PRICKLE2: variants seen among roughly 807,000 people sequenced by gnomAD.
PRICKLE2 encodes the protein prickle planar cell polarity protein 2.
A neutral mutation model predicts 81.4 loss-of-function variants in PRICKLE2; 21 were observed. The ratio of observed to expected loss-of-function variants is 0.26; its 90% CI spans 0.18 to 0.37. PRICKLE2 has a LOEUF of 0.37. PRICKLE2 is among the 10% of genes least tolerant of loss of function. The pLI is 1.00. For missense variants in PRICKLE2, 940 were observed against 1,109.0 expected (o/e 0.85, Z 2.16); for synonymous variants, 456 against 421.5 (o/e 1.08, Z -1.00).
chr3:64,218,904 G>A (rs2078910885), intron 1 of PRICKLE2, among the ~76,000 whole-genome samples: 4 of 152,118 alleles, frequency 2.6e-5, no homozygotes, highest in Admixed American at 2.6e-4. Context: ...TTAAACTTGA[G>A]AAGCCTTGGT....
intron 2 of PRICKLE2, among the ~76,000 whole-genome samples, chr3:64,181,151 A>G (rs1219377010): frequency 6.6e-6 from 1 of 152,216 alleles, no homozygotes; most frequent in African/African-American, 2.4e-5. Flanking sequence ...TATTAGTCTC[A>G]GGCCATTCAC....
In PRICKLE2 at chr3:64,225,409, A is replaced by T. The variant is rs2079017530; in HGVS notation, c.-540T>A. 1.0e-6 allele frequency: 1 copy of T among 985,270 alleles called. No individual in the cohort carries two copies. The highest frequency in any genetic ancestry group is 4.7e-5 in the South Asian group (1 of 21,278). The allele number at this position is 985,270 out of a possible 1,614,324, so 61.0% of individuals were successfully genotyped here. A position where few individuals can be genotyped will look rare whatever the true frequency, so the allele number is the denominator to read the frequency against. On this transcript the variant is annotated 5_prime_UTR_variant, in exon 1 of 8. Transcript: ENST00000638394. ...CCAGGAAATGTGCTGCTTGGTCAAA[A>T]AATAATAATAACTCTCGGTGGCGCT...
At chr3:64,209,793 A>C (rs1027267208) in intron 1 of PRICKLE2, among the ~76,000 whole-genome samples, 8 of 152,236 alleles carry the variant, frequency 5.3e-5, no homozygotes, top group Non-Finnish European at 1.0e-4. Context: ...CAAACAGATA[A>C]ACCTGCCATT....
intron 1 of PRICKLE2, among the ~76,000 whole-genome samples, chr3:64,207,141 CCTCCTGA>C (rs2078701627): frequency 6.6e-6 from 1 of 152,194 alleles, no homozygotes; most frequent in Non-Finnish European, 1.5e-5. Flanking sequence ...CTCAAGCAAT[CCTCCTGA>C]CTCAGCCTTC....
At chr3:64,224,118 T>C (rs2078997268) in intron 1 of PRICKLE2, among the ~76,000 whole-genome samples, 1 of 152,188 alleles carries the variant, frequency 6.6e-6, no homozygotes, top group African/African-American at 2.4e-5. Context: ...GACCAGCGGA[T>C]GGCATCACAT....
chr3:64,146,065 A>G (rs2077444457), intron 7 of PRICKLE2: 1 of 152,182 alleles, frequency 6.6e-6, no homozygotes, highest in Non-Finnish European at 1.5e-5. Flanking sequence ...CCCCAAGCCC[A>G]CATCCACTAT....
At chr3:64,205,636 AT>A (rs1575664920) in intron 1 of PRICKLE2, among the ~76,000 whole-genome samples, 1 of 152,172 alleles carries the variant, frequency 6.6e-6, no homozygotes, top group African/African-American at 2.4e-5. Flanking sequence ...TTAGAACATG[AT>A]TTTTGACAAG....
At chr3:64,258,653 T>C (rs1341582206) in intron 2 of PRICKLE2, among the ~76,000 whole-genome samples, 2 of 150,802 alleles carry the variant, frequency 1.3e-5, no homozygotes, top group African/African-American at 4.9e-5. Context: ...ACCCTGTCTC[T>C]ACTTAAAAAA....
intron 2 of PRICKLE2, among the ~76,000 whole-genome samples, chr3:64,178,990 T>TC (rs1491315433): frequency 6.9e-6 from 1 of 144,978 alleles, no homozygotes. Flanking sequence ...TTTCTTTCTT[T>TC]CTTTCTTTCT....
At chr3:64,257,450 C>A (rs2079543403) in intron 2 of PRICKLE2, among the ~76,000 whole-genome samples, 1 of 152,178 alleles carries the variant, frequency 6.6e-6, no homozygotes, top group Non-Finnish European at 1.5e-5. Context: ...TGCAGCCCAT[C>A]ATGTCTCTCC....
intron 7 of PRICKLE2, among the ~76,000 whole-genome samples, chr3:64,120,562 G>A (rs704380): frequency 1.9e-3 from 295 of 152,202 alleles, no homozygotes; most frequent in Non-Finnish European, 3.1e-3. Context: ...GTCGCCCAGG[G>A]ATCTTCTTAA....
intron 1 of PRICKLE2, among the ~76,000 whole-genome samples, chr3:64,216,853 G>A (rs1303147055): frequency 2.0e-5 from 3 of 152,172 alleles, no homozygotes; most frequent in African/African-American, 4.8e-5. Flanking sequence ...CAGGCACTTC[G>A]GAGTGGCCCA....
At chr3:64,101,150 T>C (rs1207162643) in intron 7 of PRICKLE2, 1 of 152,220 alleles carries the variant, frequency 6.6e-6, no homozygotes, top group Non-Finnish European at 1.5e-5. Context: ...TGAATTTCTG[T>C]TGGGTGTACG....
chr3:64,242,819 T>C (rs74671759), intron 2 of PRICKLE2, among the ~76,000 whole-genome samples: 359 of 152,316 alleles, frequency 2.4e-3, no homozygotes, highest in African/African-American at 7.9e-3. Flanking sequence ...GGGCCAAGAG[T>C]GTACCTGGTC....
intron 7 of PRICKLE2, among the ~76,000 whole-genome samples, chr3:64,123,218 T>C (rs1307824806): frequency 6.6e-6 from 1 of 152,168 alleles, no homozygotes; most frequent in African/African-American, 2.4e-5. Flanking sequence ...AAAATCAAAG[T>C]ATCCAACAAG....
Position 64,255,603 on chromosome 3 carries a change from C to T in PRICKLE2, c.129-56636G>A, listed in dbSNP as rs573568960. 9.9e-5 allele frequency among the ~76,000 whole-genome samples: 15 copies of T among 152,254 alleles called. 1 individual carries two copies. In the South Asian group the frequency reaches 2.9e-3, roughly 29 times the overall value. The stretch of plus-strand genomic sequence containing the variant: ...AAATCCCAGTCTGCTGCCATAAGGC[C>T]TCAGGGCAGATGGAAATCTCTCTAG... On this transcript the variant is annotated intron_variant, in intron 2 of 8. Coordinates refer to the PRICKLE2 transcript ENST00000295902.
intron 2 of PRICKLE2, among the ~76,000 whole-genome samples, chr3:64,194,991 A>G (rs1248022747): frequency 1.3e-5 from 2 of 152,136 alleles, no homozygotes; most frequent in Non-Finnish European, 2.9e-5. Flanking sequence ...GCAGTGAGCT[A>G]TGATCGTACC....
chr3:64,138,942 G>T (rs1375446141), intron 7 of PRICKLE2, among the ~76,000 whole-genome samples: 1 of 152,252 alleles, frequency 6.6e-6, no homozygotes, highest in Non-Finnish European at 1.5e-5. Flanking sequence ...GGTTATCCAA[G>T]TTATGCAGAA....
At position 64,097,681 on chromosome 3, in the gene PRICKLE2, G is replaced by C. The variant is rs932038764; in HGVS notation, c.*1370C>G. 6.6e-6 allele frequency: 1 copy of C among 152,574 alleles called. No individual in the cohort carries two copies. The highest frequency in any genetic ancestry group is 1.5e-5 in the Non-Finnish European group (1 of 68,012). 9.5% of individuals were successfully genotyped at this position (152,574 alleles called of 1,614,324 possible). The stretch of plus-strand genomic sequence containing the variant: ...CAAAGCCTGTTTTTTTAAAGACATT[G>C]CACCACTGAAATCTCAGCAGCTCAA... On this transcript the variant is annotated 3_prime_UTR_variant, in exon 8 of 8. Coordinates refer to ENST00000638394, the MANE Select transcript of PRICKLE2 (RefSeq NM_198859.4).
Sources: gnomAD v4.1 joint callset for allele counts (sites outside exome capture counted in the v4.1 genomes callset) on GRCh38, gnomAD v4.1.1 for gene constraint, MANE v1.5 for transcripts, NCBI Gene and HGNC (gene_info 2026-07-23, HGNC 2026-07-21) for gene names.